The following UNC13C variants were observed in gnomAD, a reference collection of about 807,000 sequenced individuals.
UNC13C encodes the protein protein unc-13 homolog C.
A neutral mutation model predicts 245.4 loss-of-function variants in UNC13C; 174 were observed. The ratio of observed to expected loss-of-function variants is 0.71; its 90% CI spans 0.63 to 0.80. The LOEUF is 0.80. Ranked by LOEUF, UNC13C falls within the 30% of genes least tolerant of loss-of-function variation. The pLI is 0.00. For missense variants in UNC13C, 2,829 were observed against 2,602.9 expected (o/e 1.09, Z -1.89); for synonymous variants, 992 against 895.1 (o/e 1.11, Z -1.93).
chr15:54,580,463 G>A (rs939719159), intron 30 of UNC13C, among the ~76,000 whole-genome samples: 3 of 152,194 alleles, frequency 2.0e-5, no homozygotes, highest in East Asian at 3.9e-4. Flanking sequence ...CAAGAAATGC[G>A]AAAACAGGTG....
At chr15:54,193,852 G>C (rs2034267526) in intron 4 of UNC13C, among the ~76,000 whole-genome samples, 1 of 152,058 alleles carries the variant, frequency 6.6e-6, no homozygotes. Flanking sequence ...GAGAGTGCCA[G>C]GGTAGCTTTT....
chr15:53,975,211 G>A (rs1356955371), upstream of UNC13C, among the ~76,000 whole-genome samples: 6 of 152,172 alleles, frequency 3.9e-5, no homozygotes, highest in African/African-American at 7.2e-5. Context: ...AGAACTTAAC[G>A]TGTGTTTTAC....
chr15:54,621,216 T>G (rs1900777422), intron 30 of UNC13C, among the ~76,000 whole-genome samples: 1 of 152,194 alleles, frequency 6.6e-6, no homozygotes, highest in Admixed American at 6.5e-5. Context: ...TGCCTTCATT[T>G]TTATGAAAAT....
intron 4 of UNC13C, among the ~76,000 whole-genome samples, chr15:54,155,138 A>G (rs34179121): frequency 0.015 from 2,301 of 152,316 alleles, 59 homozygotes; most frequent in Admixed American, 0.066. Flanking sequence ...GGCTTAAACA[A>G]TGATTCCTTG....
intron 17 of UNC13C, among the ~76,000 whole-genome samples, chr15:54,362,235 G>A (rs973405400): frequency 6.6e-6 from 1 of 152,182 alleles, no homozygotes; most frequent in Non-Finnish European, 1.5e-5. Flanking sequence ...GGATGGAACT[G>A]GAGTTGGCTT....
intron 19 of UNC13C, among the ~76,000 whole-genome samples, chr15:54,493,957 G>T (rs925943057): frequency 1.3e-5 from 2 of 152,112 alleles, no homozygotes; most frequent in Non-Finnish European, 2.9e-5. Context: ...GCCAAGGGGT[G>T]CAAGATAACT....
At chr15:53,861,826 C>A in the UNC13C span, among the ~76,000 whole-genome samples, 1 of 152,100 alleles carries the variant, frequency 6.6e-6, no homozygotes, top group Non-Finnish European at 1.5e-5. Context: ...AGAAATGCAA[C>A]TGCCTACCTT....
At chr15:54,632,893 C>G (rs564907252), downstream of UNC13C, 1 of 152,214 alleles carries the variant, frequency 6.6e-6, no homozygotes, top group African/African-American at 2.4e-5. Context: ...CAGCCAGGCA[C>G]GGTGGCTCAC....
intron 10 of UNC13C, among the ~76,000 whole-genome samples, chr15:54,291,435 A>G (rs1376826564): frequency 1.3e-5 from 2 of 152,062 alleles, no homozygotes; most frequent in African/African-American, 2.4e-5. Context: ...CAAATGTAAA[A>G]GGGATTTTAT....
In UNC13C at chr15:54,092,132, C is replaced by T. The variant is rs79504472; in HGVS notation, c.2984-50886C>T. Among the ~76,000 whole-genome samples, 923 of 152,270 alleles carry T rather than the reference C, an allele frequency of 6.1e-3. 8 individuals carry two copies. The highest frequency in any genetic ancestry group is 8.9e-3 in the Non-Finnish European group (607 of 68,026). On this transcript the variant is annotated intron_variant, in intron 2 of 32. Coordinates refer to ENST00000260323, the MANE Select transcript of UNC13C (RefSeq NM_001080534.3). ...ACCCTTCAAGGCTTCGGCTGTGTTC[C>T]ACCTTCCTCACTGGTGGGATGTGAG...
chr15:54,191,834 G>A (rs778192513), intron 4 of UNC13C, among the ~76,000 whole-genome samples: 17 of 151,786 alleles, frequency 1.1e-4, no homozygotes, highest in Non-Finnish European at 2.5e-4. Context: ...TATGTTTTTT[G>A]GCTGCATAAA....
At chr15:53,910,741 C>G in the UNC13C span, 2 of 146,776 alleles carry the variant, frequency 1.4e-5, no homozygotes, top group Non-Finnish European at 3.1e-5. Context: ...TACGGGCGAA[C>G]AGTGTAGAGA....
intron 30 of UNC13C, among the ~76,000 whole-genome samples, chr15:54,585,136 A>T (rs1175119896): frequency 6.6e-6 from 1 of 152,138 alleles, no homozygotes; most frequent in Non-Finnish European, 1.5e-5. Context: ...ATATAGTTTG[A>T]ACGTTTGGCC....
chr15:54,573,943 G>A (rs754339457), intron 30 of UNC13C, among the ~76,000 whole-genome samples: 1 of 152,166 alleles, frequency 6.6e-6, no homozygotes, highest in Admixed American at 6.5e-5. Flanking sequence ...AGAGGTAGGT[G>A]AGTATATTGG....
chr15:54,027,172 GA>G (rs1187801445), intron 2 of UNC13C, among the ~76,000 whole-genome samples: 1 of 91,432 alleles, frequency 1.1e-5, no homozygotes, highest in African/African-American at 3.3e-5. Context: ...GAGGAATTGA[GA>G]AAAAAAAAGA....
At chr15:54,295,531 GT>G (rs2037405276) in intron 11 of UNC13C, among the ~76,000 whole-genome samples, 1 of 152,004 alleles carries the variant, frequency 6.6e-6, no homozygotes, top group African/African-American at 2.4e-5. Context: ...TGTGCCTGTA[GT>G]CCCAGCTACT....
At position 54,147,969 on chromosome 15, in the gene UNC13C, G is replaced by A. The variant is rs2032352264; in HGVS notation, c.3071+4285G>A. Among the ~76,000 whole-genome samples the A allele has an allele frequency of 2.6e-5, 4 of 152,094 alleles. No individual in the cohort carries two copies. The South Asian group carries it at 8.3e-4, about 32-fold the overall frequency. On this transcript the variant is annotated intron_variant, in intron 4 of 32. Transcript: ENST00000260323. ...CATTGAAGTTCTTCTCTGCAGTACA[G>A]TTCTCATAGCACTAAGTTCCTTGAG...
intron 19 of UNC13C, among the ~76,000 whole-genome samples, chr15:54,486,289 A>ACACACACACACACACAC (rs1567319118): frequency 3.3e-5 from 5 of 149,570 alleles, no homozygotes; most frequent in Non-Finnish European, 5.9e-5. Context: ...ACACACACAC[A>ACACACACACACACACAC]ATATCAGTGT....
chr15:54,058,176 G>GT (rs1007359944), intron 2 of UNC13C, among the ~76,000 whole-genome samples: 1 of 151,996 alleles, frequency 6.6e-6, no homozygotes, highest in Admixed American at 6.6e-5. Flanking sequence ...TCCAGGAGCT[G>GT]TTTTTTTGAA....
Sources: allele counts gnomAD v4.1 joint callset (sites outside exome capture counted in the v4.1 genomes callset), GRCh38; gene constraint gnomAD v4.1.1; transcripts MANE v1.5; gene names NCBI Gene and HGNC (gene_info 2026-07-23, HGNC 2026-07-21).